DENND1A: variants seen among roughly 807,000 people sequenced by gnomAD.
DENND1A encodes DENN domain containing 1A.
Under a neutral mutation model 113.7 loss-of-function variants are expected in DENND1A, and 51 were observed. The ratio of observed to expected loss-of-function variants is 0.45; its 90% CI spans 0.36 to 0.57. The LOEUF is 0.57. Ranked by LOEUF, DENND1A falls within the 20% of genes least tolerant of loss-of-function variation. The pLI, the probability that DENND1A is intolerant of heterozygous loss-of-function variation, is 0.00. For missense variants in DENND1A, 1,258 were observed against 1,395.9 expected (o/e 0.90, Z 1.57); for synonymous variants, 565 against 570.8 (o/e 0.99, Z 0.14).
At chr9:123,793,097 A>G (rs925208161) in intron 2 of DENND1A, among the ~76,000 whole-genome samples, 5 of 152,224 alleles carry the variant, frequency 3.3e-5, no homozygotes. Flanking sequence ...GCTTTAATAA[A>G]TGAAATATAT....
At chr9:123,547,998 T>A (rs899752590) in intron 13 of DENND1A, among the ~76,000 whole-genome samples, 1 of 152,216 alleles carries the variant, frequency 6.6e-6, no homozygotes, top group African/African-American at 2.4e-5. Flanking sequence ...ATTATTTACA[T>A]CTTACACATG....
intron 2 of DENND1A, among the ~76,000 whole-genome samples, chr9:123,827,513 C>T (rs1433287918): frequency 2.0e-5 from 3 of 151,628 alleles, no homozygotes. Context: ...CAGAGTGAGA[C>T]CTTGTCACAC....
Position 123,924,352 on chromosome 9 carries a change from A to C in DENND1A, c.17+5537T>G, listed in dbSNP as rs138178737. Among the ~76,000 whole-genome samples the C allele has an allele frequency of 4.9e-3, 750 of 152,294 alleles. 4 individuals carry two copies. Among genetic ancestry groups the C allele is most frequent in the African/African-American group, 0.017 (723 of 41,550 alleles). ...TAGTGGTAATCAATCACCCTTGTGAATATACTTAAAACCACTTAAAAAAGT... is the reference window on the plus strand; with the variant it reads ...TAGTGGTAATCAATCACCCTTGTGACTATACTTAAAACCACTTAAAAAAGT... On this transcript the variant is annotated intron_variant, in intron 1 of 23. Transcript: ENST00000394215.
rs995251044 is a variant in DENND1A, at chr9:123,381,175, G to A, written c.*257C>T. On this transcript the variant is annotated 3_prime_UTR_variant, in exon 24 of 24. Transcript: ENST00000394215. This position sits in a 1 kb window ranked among gnomAD's most constrained non-coding sequence, Gnocchi z 4.7. Reference sequence around the variant, plus strand: ...CTCTTTAGTGCAAAACCCAATCAAGGGTGCCGAGGAGAGGCAACCGCGGGG... The same window carrying A: ...CTCTTTAGTGCAAAACCCAATCAAGAGTGCCGAGGAGAGGCAACCGCGGGG... 3 of 542,938 alleles carry A rather than the reference G, an allele frequency of 5.5e-6. No homozygotes were observed. Among genetic ancestry groups the A allele is most frequent in the Non-Finnish European group, 9.9e-6 (3 of 302,000 alleles). The allele number at this position is 542,938 out of a possible 1,614,324, so 33.6% of individuals were successfully genotyped here.
At chr9:123,835,111 G>GAA (rs35785869) in intron 2 of DENND1A, among the ~76,000 whole-genome samples, 10 of 112,134 alleles carry the variant, frequency 8.9e-5, no homozygotes, top group Non-Finnish European at 1.3e-4. Context: ...CTTTAGAGGG[G>GAA]AAAAAAAAAA....
intron 13 of DENND1A, among the ~76,000 whole-genome samples, chr9:123,550,448 C>T (rs1043267790): frequency 2.6e-5 from 4 of 152,232 alleles, no homozygotes; most frequent in East Asian, 1.9e-4. Flanking sequence ...CAGAAGAGGA[C>T]GCGTCTTCAA....
chr9:123,790,115 T>C (rs970268662), intron 3 of DENND1A, among the ~76,000 whole-genome samples: 1 of 152,160 alleles, frequency 6.6e-6, no homozygotes, highest in Admixed American at 6.5e-5. Flanking sequence ...CGAGATTAAG[T>C]GCATATTCAG....
intron 21 of DENND1A, among the ~76,000 whole-genome samples, chr9:123,389,338 G>A (rs932261341): frequency 1.3e-5 from 2 of 152,268 alleles, no homozygotes; most frequent in Non-Finnish European, 1.5e-5. Context: ...TACACAACAG[G>A]AGGCAGCGAG....
chr9:123,747,774 T>A (rs570037285), intron 5 of DENND1A, among the ~76,000 whole-genome samples: 1 of 152,216 alleles, frequency 6.6e-6, no homozygotes, highest in South Asian at 2.1e-4. Flanking sequence ...TTACAACTCA[T>A]GCTAATAAAA....
intron 19 of DENND1A, among the ~76,000 whole-genome samples, chr9:123,427,489 G>A (rs1219178784): frequency 6.6e-6 from 1 of 152,156 alleles, no homozygotes; most frequent in Non-Finnish European, 1.5e-5. Context: ...TCCCTGGTCT[G>A]CCATGCGCTA....
intron 2 of DENND1A, among the ~76,000 whole-genome samples, chr9:123,807,257 AT>A (rs1298308945): frequency 1.3e-5 from 2 of 152,234 alleles, no homozygotes; most frequent in African/African-American, 4.8e-5. Flanking sequence ...AAGATTCATA[AT>A]TTTTTAAATG....
At chr9:123,736,040 T>C (rs545532446) in intron 5 of DENND1A, among the ~76,000 whole-genome samples, 2 of 152,156 alleles carry the variant, frequency 1.3e-5, no homozygotes, top group South Asian at 4.1e-4. Context: ...TGAAGCTAGC[T>C]AGTTAGACTG....
intron 13 of DENND1A, chr9:123,485,656 G>GCGCACGCACACACA (rs765633751): frequency 2.8e-5 from 4 of 141,156 alleles, no homozygotes; most frequent in South Asian, 2.2e-4. Context: ...GCGCGCGCGC[G>GCGCACGCACACACA]CACACACACA....
chr9:123,583,451 TC>T (rs1177478503), intron 11 of DENND1A, among the ~76,000 whole-genome samples, 181 bp from the exon 12 acceptor site: 5 of 152,144 alleles, frequency 3.3e-5, no homozygotes, highest in African/African-American at 7.2e-5. Flanking sequence ...TCATAAAATC[TC>T]TGTGAGCTTG....
intron 21 of DENND1A, among the ~76,000 whole-genome samples, chr9:123,394,076 C>T (rs1218262215): frequency 2.0e-5 from 3 of 151,914 alleles, no homozygotes; most frequent in African/African-American, 4.8e-5. Context: ...ACTGCAACCT[C>T]CGCCTCATGT....
At chr9:123,852,612 C>T (rs568504658) in intron 2 of DENND1A, among the ~76,000 whole-genome samples, 4 of 152,208 alleles carry the variant, frequency 2.6e-5, no homozygotes, top group Non-Finnish European at 5.9e-5. Flanking sequence ...TCCAAAGCCA[C>T]ACTAATGAAT....
chr9:123,719,394 C>T lies in DENND1A; in HGVS notation c.302+38309G>A, dbSNP rs1051418595. ...CCCATTGCATTATGGCTGCCACTGC[C>T]GTGGATGACAATCACGAAGAGAACT... is the stretch of plus-strand genomic sequence containing the variant. On this transcript the variant is annotated intron_variant, in intron 5 of 23. Coordinates refer to ENST00000394215, the MANE Select transcript of DENND1A (RefSeq NM_001352964.2). Among the ~76,000 whole-genome samples the T allele has an allele frequency of 6.1e-4, 93 of 152,300 alleles. 1 individual carries two copies. The highest frequency in any genetic ancestry group is 6.2e-4 in the Non-Finnish European group (42 of 68,028).
At chr9:123,492,803 CCAA>C (rs2051496565) in intron 13 of DENND1A, 2 of 152,150 alleles carry the variant, frequency 1.3e-5, no homozygotes, top group Non-Finnish European at 2.9e-5. Context: ...GTGTCACCCT[CCAA>C]CATCGTCTCT....
At chr9:123,741,530 TC>T (rs944135915) in intron 5 of DENND1A, among the ~76,000 whole-genome samples, 1 of 152,234 alleles carries the variant, frequency 6.6e-6, no homozygotes, top group Non-Finnish European at 1.5e-5. Context: ...AATATTAATT[TC>T]TAACTCAGTT....
Sources: gnomAD v4.1 joint callset for allele counts (sites outside exome capture counted in the v4.1 genomes callset) on GRCh38, gnomAD v4.1.1 for gene constraint, Gnocchi (gnomAD v3.1) non-coding constraint, MANE v1.5 for transcripts, NCBI Gene and HGNC (gene_info 2026-07-23, HGNC 2026-07-21) for gene names.